Variants in JAKMIP1 observed in about 807,000 individuals in gnomAD.
JAKMIP1 encodes the protein janus kinase and microtubule-interacting protein 1.
A neutral mutation model predicts 113.0 loss-of-function variants in JAKMIP1; 33 were observed. The observed-to-expected ratio is 0.29, with a 90% CI of 0.22 to 0.39. The LOEUF (loss-of-function observed/expected upper bound fraction) is 0.39, where lower values mean the gene tolerates loss of function less well. JAKMIP1 is among the 10% of genes least tolerant of loss of function. The pLI is 1.00. For synonymous variants in JAKMIP1, 480 were observed against 459.9 expected, an observed-to-expected ratio of 1.04 and a Z score of -0.56; for missense variants, 813 against 1,080.5, an observed-to-expected ratio of 0.75 and a Z score of 3.47.
intron 12 of JAKMIP1, chr4:6,054,924 G>C: frequency 2.2e-6 from 1 of 448,040 alleles, no homozygotes; most frequent in Non-Finnish European, 4.5e-6. Context: ...AATGGGATGA[G>C]GGGGTGAGGG....
Position 6,163,926 on chromosome 4 carries a change from G to T in JAKMIP1, c.-148+36327C>A, listed in dbSNP as rs192360518. Among the ~76,000 whole-genome samples the T allele has an allele frequency of 2.0e-5, 3 of 152,326 alleles. No homozygotes were observed. The East Asian group carries it at 5.8e-4, about 29-fold the overall frequency. ...GATGTGGAGAAGCTGCAGAATAAAA[G>T]TCTGAAACTAGCAGAGGTTGGCTCA... is the stretch of plus-strand genomic sequence containing the variant. On this transcript the variant is annotated intron_variant, in intron 1 of 20. Coordinates refer to ENST00000409021, the MANE Select transcript of JAKMIP1 (RefSeq NM_001099433.2).
chr4:6,104,633 T>TC (rs1713600237), intron 3 of JAKMIP1, among the ~76,000 whole-genome samples: 1 of 152,230 alleles, frequency 6.6e-6, no homozygotes, highest in South Asian at 2.1e-4. Context: ...TTACTTTACT[T>TC]CTTAGCCTCC....
intron 7 of JAKMIP1, 114 bp from the exon 8 acceptor site, chr4:6,079,112 G>A: frequency 2.0e-6 from 2 of 1,019,260 alleles, no homozygotes; most frequent in Non-Finnish European, 3.0e-6. Flanking sequence ...ATGGCTAGTT[G>A]AAGTTCTAAG....
rs149678000 is a variant in JAKMIP1 at position 6,062,372 on chromosome 4, G to A, written c.1500C>T (p.Arg500=). The A allele has an allele frequency of 1.5e-4, 241 of 1,613,702 alleles. No homozygotes were observed. The highest frequency in any genetic ancestry group is 1.9e-4 in the Non-Finnish European group (222 of 1,179,954). ...QLTREYQALQ[R]AYALLQEQVG... The stretch of plus-strand genomic sequence containing the variant: ...CCTGCTCCTGGAGCAGGGCGTAGGC[G>A]CGTTGCAGGGCCTGGTACTCCCGGG... The change falls in exon 10 of 21, where the codon CGC becomes CGT. Residue 500 remains arginine, a synonymous_variant. Transcript: ENST00000409021.
At chr4:6,028,220 T>C (rs1753288752) in intron 20 of JAKMIP1, among the ~76,000 whole-genome samples, 1 of 152,232 alleles carries the variant, frequency 6.6e-6, no homozygotes, top group Admixed American at 6.5e-5. Context: ...AATCCAATTA[T>C]ACTTGAGACC....
At chr4:6,165,779 C>T (rs1723550610) in intron 1 of JAKMIP1, among the ~76,000 whole-genome samples, 1 of 151,716 alleles carries the variant, frequency 6.6e-6, no homozygotes, top group African/African-American at 2.4e-5. Context: ...ACAGAACTTA[C>T]AATATCTCTA....
rs1714329621 is a variant in JAKMIP1, at chr4:6,108,418, G to C, written c.130-2451C>G. On this transcript the variant is annotated intron_variant, in intron 2 of 20. Transcript: ENST00000409021. This position sits in a 1 kb window ranked among gnomAD's most constrained non-coding sequence, Gnocchi z 5.6. ...CACTTGGACTCTAAATGCAGCCACG[G>C]CACAAAGGCCAAGAGAGGGAGCATG... 6.6e-6 allele frequency among the ~76,000 whole-genome samples: 1 copy of C among 152,158 alleles called. No homozygotes were observed. Among genetic ancestry groups the C allele is most frequent in the South Asian group, 2.1e-4 (1 of 4,820 alleles).
At chr4:6,131,283 G>A (rs1178783907) in intron 1 of JAKMIP1, among the ~76,000 whole-genome samples, 1 of 148,266 alleles carries the variant, frequency 6.7e-6, no homozygotes, top group Non-Finnish European at 1.5e-5. Flanking sequence ...TGAAGCAATA[G>A]TATCTGAGAA....
Position 6,136,822 on chromosome 4 carries a change from T to C in JAKMIP1, c.-147-23825A>G, listed in dbSNP as rs181676208. On this transcript the variant is annotated intron_variant, in intron 1 of 20. Transcript: ENST00000409021. This position sits in a 1 kb window ranked among gnomAD's most constrained non-coding sequence, Gnocchi z 5.9. Reference sequence around the variant, plus strand: ...TACACAGAAAGCCCTCGAGAACCACTGGCAGAAAGCAAAAAGCTAGTTACC... The same window carrying C: ...TACACAGAAAGCCCTCGAGAACCACCGGCAGAAAGCAAAAAGCTAGTTACC... Among the ~76,000 whole-genome samples the C allele has an allele frequency of 6.6e-6, 1 of 152,278 alleles. No homozygotes were observed. The highest frequency in any genetic ancestry group is 1.9e-4 in the East Asian group (1 of 5,166).
intron 1 of JAKMIP1, among the ~76,000 whole-genome samples, chr4:6,161,858 G>C (rs1277791278): frequency 2.0e-5 from 3 of 152,134 alleles, no homozygotes; most frequent in African/African-American, 7.2e-5. Context: ...TGCAAGTTTG[G>C]GCTGGGCTTA....
intron 1 of JAKMIP1, among the ~76,000 whole-genome samples, chr4:6,166,041 T>C (rs1723592069): frequency 6.6e-6 from 1 of 152,140 alleles, no homozygotes; most frequent in African/African-American, 2.4e-5. Flanking sequence ...CCTGGGTACC[T>C]GTCCAGTCTC....
intron 8 of JAKMIP1, among the ~76,000 whole-genome samples, chr4:6,077,500 T>C (rs1384962104): frequency 6.7e-6 from 1 of 149,028 alleles, no homozygotes; most frequent in Non-Finnish European, 1.5e-5. Context: ...TTTTTTTTTT[T>C]TTTTGAGACA....
At position 6,139,904 on chromosome 4, in the gene JAKMIP1, A is replaced by G. The variant is rs1164526618; in HGVS notation, c.-147-26907T>C. On this transcript the variant is annotated intron_variant, in intron 1 of 20. Coordinates refer to ENST00000409021, the MANE Select transcript of JAKMIP1 (RefSeq NM_001099433.2). This position sits in a 1 kb window ranked among gnomAD's most constrained non-coding sequence, Gnocchi z 5.2. ...TTCCACGAGCCAAGGAATACCAAGG[A>G]CTGCCACCAAAGCACAGGAAGCCAG... Among the ~76,000 whole-genome samples the G allele has an allele frequency of 6.6e-6, 1 of 152,112 alleles. No individual in the cohort carries two copies. Among genetic ancestry groups the G allele is most frequent in the Admixed American group, 6.5e-5 (1 of 15,268 alleles).
chr4:6,145,929 A>G (rs939233653), intron 1 of JAKMIP1, among the ~76,000 whole-genome samples: 4 of 152,160 alleles, frequency 2.6e-5, no homozygotes, highest in Non-Finnish European at 2.9e-5. Flanking sequence ...TACAGGCCGT[A>G]TCTCCAAATA....
rs530221900 is a variant in JAKMIP1 at position 6,124,571 on chromosome 4, T to C, written c.-147-11574A>G. On this transcript the variant is annotated intron_variant, in intron 1 of 20. Coordinates refer to ENST00000409021, the MANE Select transcript of JAKMIP1 (RefSeq NM_001099433.2). Reference sequence around the variant, plus strand: ...AGTGGCCTCCCCTGGTCTAGGCCTATATGCCAATCCATCCAGGCTCTAGGG... The same window carrying C: ...AGTGGCCTCCCCTGGTCTAGGCCTACATGCCAATCCATCCAGGCTCTAGGG... Among the ~76,000 whole-genome samples the C allele has an allele frequency of 1.6e-4, 24 of 152,344 alleles. No homozygotes were observed. The South Asian group carries it at 2.1e-3, about 13-fold the overall frequency.
intron 8 of JAKMIP1, among the ~76,000 whole-genome samples, chr4:6,078,247 G>A (rs1449625031): frequency 1.3e-5 from 2 of 151,630 alleles, no homozygotes; most frequent in Non-Finnish European, 2.9e-5. Flanking sequence ...CCTGGGTGGT[G>A]GAGTTTGCAG....
In JAKMIP1 at chr4:6,044,784, T is replaced by C. The variant is rs1714774862; in HGVS notation, c.2029-2557A>G. 6.6e-6 allele frequency among the ~76,000 whole-genome samples: 1 copy of C among 152,108 alleles called. No individual in the cohort carries two copies. Among genetic ancestry groups the C allele is most frequent in the African/African-American group, 2.4e-5 (1 of 41,410 alleles). ...ACCTTTTAGCAACGGGGAGAGAACATGAAAGCAGAGAGAGCTGGCCATGAG... is the reference window on the plus strand; with the variant it reads ...ACCTTTTAGCAACGGGGAGAGAACACGAAAGCAGAGAGAGCTGGCCATGAG... On this transcript the variant is annotated intron_variant, in intron 16 of 20. Transcript: ENST00000409021. This position sits in a 1 kb window ranked among gnomAD's most constrained non-coding sequence, Gnocchi z 4.4.
intron 8 of JAKMIP1, among the ~76,000 whole-genome samples, chr4:6,075,478 G>A (rs1223233780): frequency 6.6e-6 from 1 of 152,116 alleles, no homozygotes; most frequent in Admixed American, 6.5e-5. Flanking sequence ...TGGTCCACAC[G>A]GAAGTCTACA....
rs962547513 is a variant in JAKMIP1 at position 6,061,262 on chromosome 4, C to A, written c.1561-755G>T. On this transcript the variant is annotated intron_variant, in intron 10 of 20. Coordinates refer to ENST00000409021, the MANE Select transcript of JAKMIP1 (RefSeq NM_001099433.2). The surrounding 1 kb of genome is among the most constrained non-coding windows in gnomAD (Gnocchi z 5.3). ...AAAAATTATTCAGCCCACACAAAGCCTCACAGTTTCCCTCCTCTGACCTAG... is the reference window on the plus strand; with the variant it reads ...AAAAATTATTCAGCCCACACAAAGCATCACAGTTTCCCTCCTCTGACCTAG... Among the ~76,000 whole-genome samples, 194 of 152,304 alleles carry A rather than the reference C, an allele frequency of 1.3e-3. No homozygotes were observed. The highest frequency in any genetic ancestry group is 4.4e-4 in the Non-Finnish European group (30 of 68,032).
Sources: allele counts gnomAD v4.1 joint callset (sites outside exome capture counted in the v4.1 genomes callset), GRCh38; gene constraint gnomAD v4.1.1; non-coding constraint Gnocchi (gnomAD v3.1); transcripts MANE v1.5; gene names NCBI Gene and HGNC (gene_info 2026-07-23, HGNC 2026-07-21).